Variants in CACNG4 observed in about 807,000 individuals in gnomAD.
CACNG4 encodes calcium voltage-gated channel auxiliary subunit gamma 4, also known as voltage-dependent calcium channel gamma-4 subunit.
CACNG4 carries 8 observed loss-of-function variants against 22.9 expected under a neutral mutation model. That is an observed-to-expected ratio of 0.35 (90% CI 0.21 to 0.63). The LOEUF (loss-of-function observed/expected upper bound fraction) is 0.63, where lower values mean the gene tolerates loss of function less well. Ranked by LOEUF, CACNG4 falls within the 30% of genes least tolerant of loss-of-function variation. The probability of loss-of-function intolerance (pLI) is 0.72; values close to 1 mark genes in which losing one functional copy is unlikely to be tolerated. For missense variants in CACNG4, 357 were observed against 455.4 expected (o/e 0.78, Z 1.97); for synonymous variants, 188 against 191.9 (o/e 0.98, Z 0.17).
intron 1 of CACNG4, among the ~76,000 whole-genome samples, chr17:66,994,434 C>T (rs1293922507): frequency 6.6e-6 from 1 of 152,162 alleles, no homozygotes; most frequent in Non-Finnish European, 1.5e-5. Flanking sequence ...CTTGCCCTCA[C>T]CCTGGGAGAT....
chr17:66,977,334 C>T (rs1422487800), intron 1 of CACNG4, among the ~76,000 whole-genome samples: 2 of 152,190 alleles, frequency 1.3e-5, no homozygotes, highest in South Asian at 2.1e-4. Flanking sequence ...GGATCCAGCC[C>T]GCCCCACTTT....
chr17:66,980,877 C>T lies in CACNG4; in HGVS notation c.220+15746C>T, dbSNP rs374500704. Among the ~76,000 whole-genome samples the T allele has an allele frequency of 7.9e-5, 12 of 152,190 alleles. No homozygotes were observed. The East Asian group carries it at 2.1e-3, about 27-fold the overall frequency. ...CAGGCAATCCGCCTGCCTCAGCCTC[C>T]CAAAGTCCTGGGATTACAGGCGTGA... On this transcript the variant is annotated intron_variant, in intron 1 of 3. Transcript: ENST00000262138.
intron 3 of CACNG4, among the ~76,000 whole-genome samples, chr17:67,026,226 AAGAGT>A (rs2035565202): frequency 7.3e-6 from 1 of 137,696 alleles, no homozygotes; most frequent in African/African-American, 2.8e-5. Flanking sequence ...TGTGTGTGTG[AAGAGT>A]GTGGTGTGTA....
Position 67,030,439 on chromosome 17 carries a change from G to C in CACNG4, c.446-27G>C, listed in dbSNP as rs139092398. On this transcript the variant is annotated intron_variant, in intron 3 of 3. Transcript: ENST00000262138. This position sits in a 1 kb window ranked among gnomAD's most constrained non-coding sequence, Gnocchi z 6.4. The stretch of plus-strand genomic sequence containing the variant: ...TCTGCCTCTCTCCCTCCCTGGCCCC[G>C]CTCCCCGCTCCCCGCTTCCCTTTCA... 4.4e-6 allele frequency: 7 copies of C among 1,603,354 alleles called. No homozygotes were observed. Among genetic ancestry groups the C allele is most frequent in the African/African-American group, 1.3e-5 (1 of 74,506 alleles).
Position 66,984,341 on chromosome 17 carries a change from C to T in CACNG4, c.220+19210C>T, listed in dbSNP as rs1387594541. ...GGCTGCAGTGAGCCACCACTGCACTCCAGCTCTGGGCAATAAGCAAGACCC... is the reference window on the plus strand; with the variant it reads ...GGCTGCAGTGAGCCACCACTGCACTTCAGCTCTGGGCAATAAGCAAGACCC... On this transcript the variant is annotated intron_variant, in intron 1 of 3. Transcript: ENST00000262138. The surrounding 1 kb of genome is among the most constrained non-coding windows in gnomAD (Gnocchi z 4.0). 1.3e-5 allele frequency among the ~76,000 whole-genome samples: 2 copies of T among 152,172 alleles called. No individual in the cohort carries two copies. The highest frequency in any genetic ancestry group is 2.9e-5 in the Non-Finnish European group (2 of 68,030).
chr17:66,988,209 C>T (rs1215168558), intron 1 of CACNG4, among the ~76,000 whole-genome samples: 1 of 152,148 alleles, frequency 6.6e-6, no homozygotes, highest in Non-Finnish European at 1.5e-5. Flanking sequence ...GTTCCATCTG[C>T]CTGGAGCTCA....
At position 67,032,156 on chromosome 17, in the gene CACNG4, A is replaced by T. The variant is rs1301360550; in HGVS notation, c.*1152A>T. ...GCCACCACCTAACAGGACGGAGTGG[A>T]GTGAGTTTGGATAAACGGACCGAGC... On this transcript the variant is annotated 3_prime_UTR_variant, in exon 4 of 4. Coordinates refer to ENST00000262138, the MANE Select transcript of CACNG4 (RefSeq NM_014405.4). The T allele has an allele frequency of 1.1e-5, 4 of 375,364 alleles. No homozygotes were observed. Among genetic ancestry groups the T allele is most frequent in the Non-Finnish European group, 2.1e-5 (4 of 190,202 alleles). 23.3% of individuals were successfully genotyped at this position (375,364 alleles called of 1,614,324 possible).
chr17:67,029,218 G>A (rs2035586199), intron 3 of CACNG4, among the ~76,000 whole-genome samples: 1 of 152,206 alleles, frequency 6.6e-6, no homozygotes, highest in South Asian at 2.1e-4. Flanking sequence ...TGTAATCTCA[G>A]CTACTCAAGA....
At chr17:66,980,839 A>AAACTCCTGACCTCAGGC (rs2035267956) in intron 1 of CACNG4, among the ~76,000 whole-genome samples, 1 of 151,826 alleles carries the variant, frequency 6.6e-6, no homozygotes, top group Non-Finnish European at 1.5e-5. Context: ...GGCTGGTCTC[A>AAACTCCTGACCTCAGGC]AACTCCTGAC....
At position 67,031,605 on chromosome 17, in the gene CACNG4, T is replaced by C. The variant is rs1320875320; in HGVS notation, c.*601T>C. The C allele has an allele frequency of 2.2e-6, 1 of 456,860 alleles. No individual in the cohort carries two copies. Among genetic ancestry groups the C allele is most frequent in the East Asian group, 7.0e-5 (1 of 14,386 alleles). The allele number at this position is 456,860 out of a possible 1,614,324, so 28.3% of individuals were successfully genotyped here. A position where few individuals can be genotyped will look rare whatever the true frequency, so the allele number is the denominator to read the frequency against. Reference sequence around the variant, plus strand: ...ACAGCTCTGCAGCCAACTGGTGCTTTGGCCTTTGCGCTGTCCCGGGGCCAG... The same window carrying C: ...ACAGCTCTGCAGCCAACTGGTGCTTCGGCCTTTGCGCTGTCCCGGGGCCAG... On this transcript the variant is annotated 3_prime_UTR_variant, in exon 4 of 4. Transcript: ENST00000262138. This position sits in a 1 kb window ranked among gnomAD's most constrained non-coding sequence, Gnocchi z 4.0.
intron 1 of CACNG4, among the ~76,000 whole-genome samples, chr17:66,977,057 C>T (rs1013886052): frequency 6.6e-6 from 1 of 152,150 alleles, no homozygotes; most frequent in Non-Finnish European, 1.5e-5. Flanking sequence ...GCTCCACCTC[C>T]GACACACGCC....
chr17:67,026,579 G>A (rs2035568502), intron 3 of CACNG4, among the ~76,000 whole-genome samples: 1 of 150,564 alleles, frequency 6.6e-6, no homozygotes, highest in Non-Finnish European at 1.5e-5. Context: ...GGACTATGGT[G>A]TGTGTGTGTG....
chr17:66,980,355 C>T (rs578164245), intron 1 of CACNG4, among the ~76,000 whole-genome samples: 8 of 152,150 alleles, frequency 5.3e-5, no homozygotes, highest in Non-Finnish European at 7.3e-5. Flanking sequence ...CATGTGTAAA[C>T]CTAAGTACTT....
chr17:66,980,620 CTTTTTTTT>C (rs67051865), intron 1 of CACNG4, among the ~76,000 whole-genome samples: 24 of 107,030 alleles, frequency 2.2e-4, no homozygotes, highest in African/African-American at 9.5e-4. Context: ...TGTGTAAATT[CTTTTTTTT>C]TTTTTTTTTT....
chr17:66,997,880 G>A (rs1281137109), intron 1 of CACNG4, among the ~76,000 whole-genome samples: 1 of 152,080 alleles, frequency 6.6e-6, no homozygotes, highest in South Asian at 2.1e-4. Context: ...AGGAGCATGA[G>A]AATGGAAATT....
At chr17:67,001,126 G>C (rs1598114068) in intron 1 of CACNG4, among the ~76,000 whole-genome samples, 1 of 152,170 alleles carries the variant, frequency 6.6e-6, no homozygotes, top group East Asian at 1.9e-4. Context: ...GTTTTATAAA[G>C]GGCAGTTCCC....
intron 1 of CACNG4, among the ~76,000 whole-genome samples, chr17:66,976,304 C>T (rs529910166): frequency 1.3e-5 from 2 of 152,054 alleles, no homozygotes; most frequent in Non-Finnish European, 2.9e-5. Context: ...GCAAATAAAA[C>T]CTGTCCTCCC....
intron 1 of CACNG4, among the ~76,000 whole-genome samples, chr17:66,990,003 A>C (rs1447203096): frequency 6.6e-6 from 1 of 152,236 alleles, no homozygotes; most frequent in Non-Finnish European, 1.5e-5. Context: ...GCTTCTTAAC[A>C]AATTGACAAA....
At chr17:66,965,207 C>A in intron 1 of CACNG4, 76 bp downstream of exon 1, 1 of 866,390 alleles carries the variant, frequency 1.2e-6, no homozygotes, top group Non-Finnish European at 1.7e-6. Flanking sequence ...CGCGCGCGCG[C>A]GCGCGCACAC....
Sources: allele counts gnomAD v4.1 joint callset (sites outside exome capture counted in the v4.1 genomes callset), GRCh38; gene constraint gnomAD v4.1.1; non-coding constraint Gnocchi (gnomAD v3.1); transcripts MANE v1.5; gene names NCBI Gene and HGNC (gene_info 2026-07-23, HGNC 2026-07-21).